Variants in FRMPD2 observed in about 807,000 individuals in gnomAD.
FRMPD2 encodes the protein FERM and PDZ domain containing 2.
Under a neutral mutation model 140.1 loss-of-function variants are expected in FRMPD2, and 96 were observed. The ratio of observed to expected loss-of-function variants is 0.69; its 90% CI spans 0.58 to 0.81. The LOEUF (loss-of-function observed/expected upper bound fraction) is 0.81. Ranked by LOEUF, FRMPD2 falls within the 40% of genes least tolerant of loss-of-function variation. The pLI, the probability that FRMPD2 is intolerant of heterozygous loss-of-function variation, is 0.00. For synonymous variants in FRMPD2, 449 were observed against 547.6 expected (o/e 0.82, Z 2.52); for missense variants, 1,240 against 1,447.4 (o/e 0.86, Z 2.32).
intron 4 of FRMPD2, among the ~76,000 whole-genome samples, chr10:48,243,225 A>T (rs1332127331): frequency 6.6e-6 from 1 of 152,222 alleles, no homozygotes; most frequent in Non-Finnish European, 1.5e-5. Flanking sequence ...TCACTAAAAG[A>T]GACAAAGACC....
At chr10:48,244,753 C>T (rs759049188) in intron 4 of FRMPD2, 31 bp downstream of exon 4, 25 of 1,567,164 alleles carry the variant, frequency 1.6e-5, no homozygotes, top group African/African-American at 9.5e-5. Context: ...AGACACAGCC[C>T]GGCAAGACTT....
chr10:48,249,469 A>G (rs1840326657), intron 2 of FRMPD2, among the ~76,000 whole-genome samples: 1 of 152,234 alleles, frequency 6.6e-6, no homozygotes, highest in Non-Finnish European at 1.5e-5. Flanking sequence ...GGAATTTAGC[A>G]CAAGCCTGAG....
intron 13 of FRMPD2, among the ~76,000 whole-genome samples, chr10:48,208,179 C>A (rs890479257): frequency 6.6e-6 from 1 of 152,082 alleles, no homozygotes; most frequent in African/African-American, 2.4e-5. Context: ...GCAGGGCCAC[C>A]ACAAGATAAT....
At position 48,192,983 on chromosome 10, in the gene FRMPD2, C is replaced by A. The variant is rs548556495; in HGVS notation, c.1955-89G>T. ...TGGTGGTTGTAACATATCACTGGGC[C>A]CCCGCTCTCCTCCTCCTTTCTTTTT... On this transcript the variant is annotated intron_variant, in intron 15 of 28. Transcript: ENST00000374201. 8.5e-6 allele frequency: 8 copies of A among 939,430 alleles called. No homozygotes were observed. The African/African-American group carries it at 1.3e-4, about 15-fold the overall frequency. The allele number at this position is 939,430 out of a possible 1,614,324, so 58.2% of individuals were successfully genotyped here. A position where few individuals can be genotyped will look rare whatever the true frequency, so the allele number is the denominator to read the frequency against.
Position 48,211,948 on chromosome 10 carries a change from C to T in FRMPD2, c.1611+6G>A. On this transcript the variant is annotated splice_donor_region_variant and intron_variant, in intron 13 of 28. Transcript: ENST00000374201. ...AACACCTCTCTCCAGGTCAGGAAGGCCTTACCCTCAAGAACTTCAGCTCAG... is the reference window on the plus strand; with the variant it reads ...AACACCTCTCTCCAGGTCAGGAAGGTCTTACCCTCAAGAACTTCAGCTCAG... 6.2e-7 allele frequency: 1 copy of T among 1,612,708 alleles called. No homozygotes were observed. The highest frequency in any genetic ancestry group is 8.5e-7 in the Non-Finnish European group (1 of 1,179,460).
chr10:48,187,605 T>C (rs1564419013), intron 16 of FRMPD2, among the ~76,000 whole-genome samples: 1 of 152,224 alleles, frequency 6.6e-6, no homozygotes, highest in Non-Finnish European at 1.5e-5. Context: ...CCTCCATTTT[T>C]TCAACCATAA....
chr10:48,237,286 TC>T (rs1395007454), intron 8 of FRMPD2, among the ~76,000 whole-genome samples: 2 of 152,118 alleles, frequency 1.3e-5, no homozygotes, highest in Non-Finnish European at 2.9e-5. Flanking sequence ...CTGCAAGAGT[TC>T]CCAATAGAAG....
At chr10:48,192,936 A>G (rs61737040) in intron 15 of FRMPD2, 42 bp from the exon 16 acceptor site, 14,802 of 1,425,508 alleles carry the variant, frequency 0.01, 143 homozygotes, top group Middle Eastern at 0.042. Flanking sequence ...CACACACAAG[A>G]ATGATGCTGG....
intron 28 of FRMPD2, among the ~76,000 whole-genome samples, chr10:48,161,442 G>A (rs1258516570): frequency 1.3e-5 from 2 of 151,770 alleles, no homozygotes; most frequent in Admixed American, 6.6e-5. Flanking sequence ...GGACTTGGAA[G>A]TAGAAGACAT....
intron 20 of FRMPD2, 36 bp downstream of exon 20, chr10:48,184,530 A>T: frequency 7.8e-7 from 1 of 1,274,072 alleles, no homozygotes; most frequent in Non-Finnish European, 1.1e-6. Context: ...AAAACAGGGG[A>T]GCCTCTTAAG....
chr10:48,272,003 A>G (rs560468941), intron 1 of FRMPD2, among the ~76,000 whole-genome samples: 1 of 152,386 alleles, frequency 6.6e-6, no homozygotes, highest in Non-Finnish European at 1.5e-5. Flanking sequence ...ACAAGCCAGC[A>G]AAACTGGGGT....
intron 2 of FRMPD2, among the ~76,000 whole-genome samples, chr10:48,250,978 T>C (rs1840365959): frequency 6.6e-6 from 1 of 151,422 alleles, no homozygotes; most frequent in Non-Finnish European, 1.5e-5. Context: ...TTTTTTTGTA[T>C]TTTTAATAGA....
intron 3 of FRMPD2, among the ~76,000 whole-genome samples, chr10:48,245,431 T>C (rs900557197): frequency 6.6e-6 from 1 of 152,232 alleles, no homozygotes; most frequent in Non-Finnish European, 1.5e-5. Context: ...CAAAGCACCA[T>C]ATCTTGTCAA....
At chr10:48,268,362 C>T (rs1021869319) in intron 1 of FRMPD2, among the ~76,000 whole-genome samples, 5 of 152,156 alleles carry the variant, frequency 3.3e-5, no homozygotes, top group African/African-American at 1.2e-4. Context: ...CATACTCTTA[C>T]TATACAACTG....
At chr10:48,259,302 T>A (rs1797386974) in intron 1 of FRMPD2, among the ~76,000 whole-genome samples, 1 of 152,170 alleles carries the variant, frequency 6.6e-6, no homozygotes, top group South Asian at 2.1e-4. Flanking sequence ...CACTTCCAGA[T>A]GAGTAAACTA....
intron 12 of FRMPD2, 146 bp downstream of exon 12, chr10:48,222,165 GAT>G: frequency 1.4e-6 from 1 of 713,898 alleles, no homozygotes; most frequent in Non-Finnish European, 2.3e-6. Flanking sequence ...TGGATGGATG[GAT>G]GGATGGATAA....
chr10:48,256,555 A>G (rs1418564587), intron 1 of FRMPD2, among the ~76,000 whole-genome samples: 1 of 152,102 alleles, frequency 6.6e-6, no homozygotes, highest in Non-Finnish European at 1.5e-5. Context: ...GGTTAGCGAG[A>G]TTGACAACCC....
In FRMPD2 at chr10:48,184,851, C is replaced by A. The variant is rs369439623; in HGVS notation, c.2390G>T (p.Gly797Val). 8 of 1,613,246 alleles carry A rather than the reference C, an allele frequency of 5.0e-6. No individual in the cohort carries two copies. In the African/African-American group the frequency reaches 1.1e-4, roughly 22 times the overall value. Residue 797 changes from glycine (G) to valine (V), a missense_variant, in exon 19 of 29, where the codon GGC (glycine) becomes GTC (valine). Around this residue, in one of 6 missense-constraint regions of FRMPD2, gnomAD observed 1,161 missense variants for 1,055.9 expected, o/e 1.10. Coordinates refer to ENST00000374201, the MANE Select transcript of FRMPD2 (RefSeq NM_001018071.4). The stretch of plus-strand genomic sequence containing the variant: ...TATAAAAATGCCAGGGTCAGCTTGG[C>A]CTGAATACTCTCCCTCATTAATGAC... ...GFVINEGEYS[G>V]QADPGIFISS...
chr10:48,204,168 G>A (rs1207184881), intron 14 of FRMPD2, among the ~76,000 whole-genome samples: 1 of 152,136 alleles, frequency 6.6e-6, no homozygotes, highest in East Asian at 1.9e-4. Context: ...TGATCTACAG[G>A]AAGTTTTTGC....
Sources: allele counts gnomAD v4.1 joint callset (sites outside exome capture counted in the v4.1 genomes callset), GRCh38; gene constraint gnomAD v4.1.1; regional missense constraint gnomAD v4.1.1; transcripts MANE v1.5; gene names NCBI Gene and HGNC (gene_info 2026-07-23, HGNC 2026-07-21).